The following TRPV1 variants were observed in gnomAD, a reference collection of about 807,000 sequenced individuals.
The protein encoded by TRPV1 is transient receptor potential cation channel subfamily V member 1.
Under a neutral mutation model 82.3 loss-of-function variants are expected in TRPV1, and 82 were observed. The observed-to-expected ratio is 1.00, with a 90% CI of 0.83 to 1.20. The LOEUF (loss-of-function observed/expected upper bound fraction) is 1.20, where lower values mean the gene tolerates loss of function less well. Among genes scored for constraint, TRPV1 ranks in the 50% most tolerant of loss-of-function variants. TRPV1 has a pLI of 0.00. For synonymous variants in TRPV1, 515 were observed against 467.7 expected (o/e 1.10, Z -1.30); for missense variants, 1,067 against 1,096.8 (o/e 0.97, Z 0.38).
At chr17:3,607,053 A>G (rs1202325608) in intron 2 of TRPV1, among the ~76,000 whole-genome samples, 1 of 152,102 alleles carries the variant, frequency 6.6e-6, no homozygotes, top group Admixed American at 6.5e-5. Context: ...CTGAAAGAAA[A>G]ATTACAGTAG....
chr17:3,592,539 G>C (rs1295308902), intron 2 of TRPV1, 156 bp from the exon 3 acceptor site: 3 of 751,654 alleles, frequency 4.0e-6, no homozygotes, highest in Non-Finnish European at 6.3e-6. Flanking sequence ...GTGTTTCCAG[G>C]ACTGAACCTC....
At chr17:3,577,449 G>A in intron 12 of TRPV1, 149 bp downstream of exon 12, 1 of 1,118,338 alleles carries the variant, frequency 8.9e-7, no homozygotes, top group South Asian at 1.5e-5. Flanking sequence ...GTCAGGGCCA[G>A]ATTGCTTGAT....
intron 16 of TRPV1, among the ~76,000 whole-genome samples, chr17:3,570,033 C>G (rs910752795): frequency 2.4e-5 from 3 of 125,782 alleles, no homozygotes; most frequent in African/African-American, 1.0e-4. Context: ...GCCAAGCGGT[C>G]AGGAAGGAGG....
chr17:3,574,069 T>C, intron 13 of TRPV1, 114 bp from the exon 14 acceptor site: 2 of 932,292 alleles, frequency 2.1e-6, no homozygotes, highest in Non-Finnish European at 3.1e-6. Context: ...AAGTTATTTT[T>C]AAAGCATCCC....
chr17:3,606,789 G>A (rs2075298670), intron 2 of TRPV1, among the ~76,000 whole-genome samples: 1 of 152,164 alleles, frequency 6.6e-6, no homozygotes, highest in East Asian at 1.9e-4. Flanking sequence ...AGTCTGGAAA[G>A]AGGACAGAGA....
intron 16 of TRPV1, among the ~76,000 whole-genome samples, chr17:3,569,868 T>C (rs992249651): frequency 6.7e-6 from 1 of 148,646 alleles, no homozygotes; most frequent in Non-Finnish European, 1.5e-5. Flanking sequence ...CCCACTTTCA[T>C]AAAGATAGAA....
chr17:3,585,567 C>A (rs754650550), intron 9 of TRPV1: 38 of 607,584 alleles, frequency 6.3e-5, no homozygotes, highest in Non-Finnish European at 9.0e-5. Flanking sequence ...GGGAAGGGGG[C>A]GGGTCTCCTG....
intron 14 of TRPV1, among the ~76,000 whole-genome samples, chr17:3,573,170 G>C (rs919607862): frequency 2.0e-5 from 3 of 152,164 alleles, no homozygotes; most frequent in Non-Finnish European, 4.4e-5. Flanking sequence ...CACGGGGCCA[G>C]AAATGTAGCT....
chr17:3,578,647 G>A lies in TRPV1; in HGVS notation c.1548-884C>T, dbSNP rs927679927. 1.1e-4 allele frequency: 17 copies of A among 152,246 alleles called. 3 individuals carry two copies. The highest frequency in any genetic ancestry group is 7.4e-5 in the Non-Finnish European group (5 of 68,016). 9.4% of individuals were successfully genotyped at this position (152,246 alleles called of 1,614,324 possible). A position where few individuals can be genotyped will look rare whatever the true frequency, so the allele number is the denominator to read the frequency against. ...ACCTTGCCTCTTGAGTTTGCCTTTC[G>A]GGGCTAAAGTATAGGTATCTCAAGA... is the stretch of plus-strand genomic sequence containing the variant. On this transcript the variant is annotated intron_variant, in intron 11 of 16. Transcript: ENST00000572705.
At chr17:3,602,075 G>A (rs1049491683) in intron 2 of TRPV1, 1 of 152,202 alleles carries the variant, frequency 6.6e-6, no homozygotes, top group Non-Finnish European at 1.5e-5. Flanking sequence ...TCAGACCTCA[G>A]TAAGAGTTCA....
chr17:3,590,946 C>A lies in TRPV1; in HGVS notation c.604+18G>T. 6.3e-7 allele frequency: 1 copy of A among 1,576,572 alleles called. No homozygotes were observed. The highest frequency in any genetic ancestry group is 8.6e-7 in the Non-Finnish European group (1 of 1,162,780). ...GTGCTGCGGGCTGAGCCATGCCCGG[C>A]CCCGCCGCCCTCCTCACCCTTGTAG... is the stretch of plus-strand genomic sequence containing the variant. On this transcript the variant is annotated intron_variant, in intron 5 of 16. Coordinates refer to ENST00000572705, the MANE Select transcript of TRPV1 (RefSeq NM_080704.4).
chr17:3,576,668 A>AAAAAAAAAAAAAAATAAATATATATAT, intron 13 of TRPV1, among the ~76,000 whole-genome samples: 1 of 38,390 alleles, frequency 2.6e-5, no homozygotes, highest in African/African-American at 7.3e-5. Flanking sequence ...AAAAAAAAAA[A>AAAAAAAAAAAAAAATAAATATATATAT]ATATATATAT....
At chr17:3,575,498 A>C (rs1327545672) in intron 13 of TRPV1, among the ~76,000 whole-genome samples, 4 of 151,862 alleles carry the variant, frequency 2.6e-5, no homozygotes, top group African/African-American at 9.7e-5. Flanking sequence ...AAAAAAAAAA[A>C]ATCATCATTT....
rs752392742 is a variant in TRPV1, at chr17:3,573,700, A to G, written c.2036T>C (p.Leu679Pro). The G allele has an allele frequency of 3.1e-6, 5 of 1,613,918 alleles. No individual in the cohort carries two copies. Among genetic ancestry groups the G allele is most frequent in the South Asian group, 2.2e-5 (2 of 91,070 alleles). The change falls in exon 14 of 17, where the codon CTC (leucine) becomes CCC (proline). Residue 679 changes from leucine to proline, a missense_variant. By Grantham distance (98) the Leu-to-Pro change is moderately conservative (BLOSUM62 -3). Coordinates refer to ENST00000572705, the MANE Select transcript of TRPV1 (RefSeq NM_080704.4). The part of the protein sequence containing the change: ...ILTYILLLNM[L>P]IALMGETVNK... Reference sequence around the variant, plus strand: ...GACAGTCTCACCCATGAGGGCGATGAGCATGTTGAGCAGGAGGATGTAGGT... The same window carrying G: ...GACAGTCTCACCCATGAGGGCGATGGGCATGTTGAGCAGGAGGATGTAGGT...
chr17:3,567,499 C>A (rs886902359), intron 16 of TRPV1, among the ~76,000 whole-genome samples: 1 of 152,128 alleles, frequency 6.6e-6, no homozygotes, highest in African/African-American at 2.4e-5. Flanking sequence ...ACTCAAAGAG[C>A]CTCATGCACT....
chr17:3,590,304 C>G lies in TRPV1; in HGVS notation c.693G>C (p.Ala231=). The G allele has an allele frequency of 6.2e-7, 1 of 1,613,996 alleles. No homozygotes were observed. The highest frequency in any genetic ancestry group is 8.5e-7 in the Non-Finnish European group (1 of 1,179,896). ...LVENGADVQA[A]AHGDFFKKTK... is the part of the protein sequence containing the mutation. The stretch of plus-strand genomic sequence containing the variant: ...TTTTCTTAAAGAAGTCCCCATGGGC[C>G]GCAGCCTGGACGTCTGCTCCGTTCT... The change falls in exon 6 of 17, where the codon GCG becomes GCC. Residue 231 remains alanine (A), a synonymous_variant. Transcript: ENST00000572705.
At chr17:3,593,314 G>A (rs541185220) in intron 2 of TRPV1, among the ~76,000 whole-genome samples, 3 of 152,072 alleles carry the variant, frequency 2.0e-5, no homozygotes, top group Non-Finnish European at 4.4e-5. Flanking sequence ...GACAGGGAAC[G>A]TTTAGGCTTT....
intron 15 of TRPV1, 116 bp downstream of exon 15, chr17:3,572,005 TG>T: frequency 7.3e-7 from 1 of 1,363,994 alleles, no homozygotes; most frequent in South Asian, 1.4e-5. Flanking sequence ...CAGCTGGCAT[TG>T]GGAGAGCCCC....
chr17:3,603,476 G>A lies in TRPV1; in HGVS notation c.-34+4951C>T, dbSNP rs747240820. ...GCTAGATGCCGGCTGTATGGACTCC[G>A]GCTGGTAGCTGAACCTCTGGGTCTA... On this transcript the variant is annotated intron_variant, in intron 2 of 16. Coordinates refer to ENST00000572705, the MANE Select transcript of TRPV1 (RefSeq NM_080704.4). 7.2e-5 allele frequency among the ~76,000 whole-genome samples: 11 copies of A among 152,186 alleles called. 1 individual carries two copies. The highest frequency in any genetic ancestry group is 2.0e-4 in the Admixed American group (3 of 15,276).
Sources: gnomAD v4.1 joint callset for allele counts (sites outside exome capture counted in the v4.1 genomes callset) on GRCh38, gnomAD v4.1.1 for gene constraint, MANE v1.5 for transcripts, NCBI Gene and HGNC (gene_info 2026-07-23, HGNC 2026-07-21) for gene names.